ITGAE: variants seen among roughly 807,000 people sequenced by gnomAD.
The protein encoded by ITGAE is integrin alpha-E.
ITGAE carries 99 observed loss-of-function variants against 136.5 expected under a neutral mutation model. That is an observed-to-expected ratio of 0.73 (90% CI 0.62 to 0.86). The LOEUF is 0.86. Ranked by LOEUF, ITGAE falls within the 40% of genes least tolerant of loss-of-function variation. The pLI, the probability that ITGAE is intolerant of heterozygous loss-of-function variation, is 0.00. For synonymous variants in ITGAE, 613 were observed against 591.8 expected (o/e 1.04, Z -0.52); for missense variants, 1,447 against 1,515.3 (o/e 0.95, Z 0.75).
chr17:3,753,997 T>C, intron 12 of ITGAE, 72 bp from the exon 13 acceptor site: 1 of 1,552,744 alleles, frequency 6.4e-7, no homozygotes, highest in Non-Finnish European at 8.8e-7. Flanking sequence ...CCCCGGCACC[T>C]TCCCAGTCAG....
At chr17:3,786,229 A>G (rs537190514) in intron 1 of ITGAE, among the ~76,000 whole-genome samples, 2 of 152,028 alleles carry the variant, frequency 1.3e-5, no homozygotes, top group African/African-American at 4.8e-5. Flanking sequence ...TAAACTTGAC[A>G]ATCTGGGTGA....
At chr17:3,783,482 A>G (rs1467244921) in intron 1 of ITGAE, among the ~76,000 whole-genome samples, 1 of 152,224 alleles carries the variant, frequency 6.6e-6, no homozygotes, top group Non-Finnish European at 1.5e-5. Context: ...TAATGAGGCC[A>G]ATAAACCTTC....
At chr17:3,746,050 C>T in intron 17 of ITGAE, 123 bp from the exon 18 acceptor site, 1 of 839,662 alleles carries the variant, frequency 1.2e-6, no homozygotes. Flanking sequence ...CAGGTACTTC[C>T]CTGCGGCTGG....
intron 18 of ITGAE, among the ~76,000 whole-genome samples, chr17:3,744,542 G>A (rs1037442537): frequency 9.3e-5 from 14 of 151,198 alleles, no homozygotes; most frequent in African/African-American, 3.4e-4. Flanking sequence ...TGCCTCTTAG[G>A]TTCAAGGTTC....
intron 13 of ITGAE, 22 bp from the exon 14 acceptor site, chr17:3,753,452 G>T: frequency 6.2e-7 from 1 of 1,609,552 alleles, no homozygotes; most frequent in Non-Finnish European, 8.5e-7. Flanking sequence ...GAGGAACTCA[G>T]CTCACCAGGA....
chr17:3,792,580 A>T (rs983510876), intron 1 of ITGAE, among the ~76,000 whole-genome samples: 1 of 152,216 alleles, frequency 6.6e-6, no homozygotes, highest in Non-Finnish European at 1.5e-5. Context: ...AAAGAGGGGG[A>T]TACAACAAGC....
At position 3,739,196 on chromosome 17, in the gene ITGAE, C is replaced by T. The variant is rs1306851443; in HGVS notation, c.2522+609G>A. Among the ~76,000 whole-genome samples, 6 of 152,174 alleles carry T rather than the reference C, an allele frequency of 3.9e-5. 1 individual carries two copies. The highest frequency in any genetic ancestry group is 1.3e-4 in the Admixed American group (2 of 15,260). Reference sequence around the variant, plus strand: ...CAGTGTGTGCCAAAGTGTCACCCTCCGTGACCACCCCATTGAAAACTTCAG... The same window carrying T: ...CAGTGTGTGCCAAAGTGTCACCCTCTGTGACCACCCCATTGAAAACTTCAG... On this transcript the variant is annotated intron_variant, in intron 20 of 30. Transcript: ENST00000263087.
rs559066192 is a variant in ITGAE at position 3,743,335 on chromosome 17, A to C, written c.2448+154T>G. On this transcript the variant is annotated intron_variant, in intron 19 of 30. Transcript: ENST00000263087. ...CACGGGGACACATTAACACCATCTC[A>C]GGGACTCAGTTTCACCATGAGTACG... is the stretch of plus-strand genomic sequence containing the variant. Among the ~76,000 whole-genome samples the C allele has an allele frequency of 4.6e-5, 7 of 152,362 alleles. No homozygotes were observed. The South Asian group carries it at 6.2e-4, about 14-fold the overall frequency.
At chr17:3,772,836 A>C (rs1193864152) in intron 2 of ITGAE, among the ~76,000 whole-genome samples, 1 of 152,136 alleles carries the variant, frequency 6.6e-6, no homozygotes, top group African/African-American at 2.4e-5. Context: ...GGAAACGTCG[A>C]GCTCTGTCTC....
At chr17:3,767,412 T>C (rs1014831597) in intron 2 of ITGAE, among the ~76,000 whole-genome samples, 1 of 151,912 alleles carries the variant, frequency 6.6e-6, no homozygotes, top group Non-Finnish European at 1.5e-5. Context: ...TTTGTATTTT[T>C]AGTAGAGACA....
intron 14 of ITGAE, 76 bp downstream of exon 14, chr17:3,753,214 T>A: frequency 6.6e-7 from 1 of 1,514,590 alleles, no homozygotes; most frequent in Non-Finnish European, 9.0e-7. Flanking sequence ...GCCAGGGCAC[T>A]CCCAGCCTCC....
intron 1 of ITGAE, among the ~76,000 whole-genome samples, chr17:3,793,047 CTTTTTCT>C (rs1389369782): frequency 6.6e-6 from 1 of 151,892 alleles, no homozygotes; most frequent in East Asian, 1.9e-4. Flanking sequence ...CTTTGAGAAT[CTTTTTCT>C]TTTTTCTTTT....
chr17:3,727,434 C>G (rs1442894367), intron 26 of ITGAE, among the ~76,000 whole-genome samples: 1 of 149,766 alleles, frequency 6.7e-6, no homozygotes, highest in African/African-American at 2.5e-5. Context: ...GAGTCTCACT[C>G]TGTCTCCCAG....
chr17:3,744,480 T>C (rs1040829780), intron 18 of ITGAE, among the ~76,000 whole-genome samples: 1 of 148,808 alleles, frequency 6.7e-6, no homozygotes, highest in African/African-American at 2.5e-5. Context: ...GGAGTCTCGC[T>C]CTGTCGCCCA....
chr17:3,748,142 C>G lies in ITGAE; in HGVS notation c.2025-90G>C, dbSNP rs530971809. On this transcript the variant is annotated intron_variant, in intron 16 of 30. Transcript: ENST00000263087. ...ATTGGTTCATGCATTCAATGGTTCT[C>G]TATCAAACATGCCCACATCCAGGTG... The G allele has an allele frequency of 2.5e-4, 338 of 1,330,886 alleles. 4 individuals are homozygous for G. In the South Asian group the frequency reaches 4.4e-3, roughly 17 times the overall value. 82.4% of individuals were successfully genotyped at this position (1,330,886 alleles called of 1,614,324 possible).
chr17:3,791,312 G>A (rs12051659), intron 1 of ITGAE, among the ~76,000 whole-genome samples: 4 of 151,464 alleles, frequency 2.6e-5, no homozygotes, highest in Non-Finnish European at 5.9e-5. Flanking sequence ...AGACTGAGTC[G>A]TACTCTGTTG....
At chr17:3,753,145 C>T (rs2051912169) in intron 14 of ITGAE, 145 bp downstream of exon 14, 14 of 808,530 alleles carry the variant, frequency 1.7e-5, no homozygotes, top group South Asian at 3.9e-5. Context: ...GCCGCTGCCC[C>T]GCCCAGCCGC....
chr17:3,725,805 A>T (rs1190473773), intron 26 of ITGAE: 3 of 1,610,426 alleles, frequency 1.9e-6, no homozygotes, highest in Non-Finnish European at 2.5e-6. Context: ...TTCCTTGGCT[A>T]CTGCAAAGAG....
intron 27 of ITGAE, 109 bp from the exon 28 acceptor site, chr17:3,723,492 A>C: frequency 1.0e-6 from 1 of 995,360 alleles, no homozygotes; most frequent in Non-Finnish European, 1.6e-6. Flanking sequence ...AGAGGGTGTG[A>C]GCAATTTCAG....
Sources: gnomAD v4.1 joint callset for allele counts (sites outside exome capture counted in the v4.1 genomes callset) on GRCh38, gnomAD v4.1.1 for gene constraint, MANE v1.5 for transcripts, NCBI Gene and HGNC (gene_info 2026-07-23, HGNC 2026-07-21) for gene names.